PDE4D: variants seen among roughly 807,000 people sequenced by gnomAD.
PDE4D encodes the protein 3',5'-cyclic-AMP phosphodiesterase 4D.
PDE4D carries 24 observed loss-of-function variants against 87.4 expected under a neutral mutation model. The observed-to-expected ratio is 0.27, with a 90% CI of 0.20 to 0.39. The LOEUF is 0.39. PDE4D is among the 10% of genes least tolerant of loss of function. The probability of loss-of-function intolerance (pLI) is 1.00; values close to 1 mark genes in which losing one functional copy is unlikely to be tolerated. For missense variants in PDE4D, 714 were observed against 1,041.0 expected, an observed-to-expected ratio of 0.69 and a Z score of 4.32; for synonymous variants, 384 against 383.2, an observed-to-expected ratio of 1.00 and a Z score of -0.02.
At chr5:60,064,081 A>AT (rs1350385737) in intron 2 of PDE4D, among the ~76,000 whole-genome samples, 4 of 152,076 alleles carry the variant, frequency 2.6e-5, no homozygotes, top group East Asian at 1.9e-4. Context: ...ATTTTAAGTA[A>AT]TTTTTTCTCT....
rs748923956 is a variant in PDE4D at position 60,337,351 on chromosome 5, C to CTATATATATATA, written c.-90+150579_-90+150590dup. Reference sequence around the variant, plus strand: ...TTGTCTCAAAAAACAAACAAACAAACTATATATATATATATATATATATAT... The same window carrying CTATATATATATA: ...TTGTCTCAAAAAACAAACAAACAAACTATATATATATATATATATATATATATATATATATAT... On this transcript the variant is annotated intron_variant, in intron 1 of 16. Transcript: ENST00000502484. 2.3e-3 allele frequency among the ~76,000 whole-genome samples: 145 copies of CTATATATATATA among 62,220 alleles called. 1 individual carries two copies. Among genetic ancestry groups the CTATATATATATA allele is most frequent in the Non-Finnish European group, 3.5e-3 (104 of 29,952 alleles). The allele number at this position is 62,220 out of a possible 152,430, so 40.8% of individuals were successfully genotyped here.
intron 1 of PDE4D, among the ~76,000 whole-genome samples, chr5:59,343,195 A>G (rs1191394697): frequency 6.6e-6 from 1 of 152,070 alleles, no homozygotes; most frequent in Non-Finnish European, 1.5e-5. Flanking sequence ...ATAAGTGACC[A>G]CATATAATAT....
chr5:59,973,168 G>A (rs191988007), intron 3 of PDE4D, among the ~76,000 whole-genome samples: 19 of 152,184 alleles, frequency 1.2e-4, no homozygotes, highest in Admixed American at 3.9e-4. Context: ...CACAATAGAT[G>A]AATTTGTATG....
At position 60,114,584 on chromosome 5, in the gene PDE4D, A is replaced by G. The variant is rs775150521; in HGVS notation, c.42+70973T>C. On this transcript the variant is annotated intron_variant, in intron 2 of 16. Transcript: ENST00000502484. ...ACATAATTACTGAATCTGGTTCCCA[A>G]TGGTGGACAGGATATACTAAAGAAA... Among the ~76,000 whole-genome samples the G allele has an allele frequency of 3.9e-5, 6 of 152,174 alleles. No individual in the cohort carries two copies. The East Asian group carries it at 5.8e-4, about 15-fold the overall frequency.
intron 6 of PDE4D, among the ~76,000 whole-genome samples, chr5:59,018,941 C>CT (rs34235697): frequency 0.1 from 14,463 of 138,818 alleles, 921 homozygotes; most frequent in Non-Finnish European, 0.14. Flanking sequence ...CCTGCCCCCT[C>CT]TTTTTTTTTT....
rs544914446 is a variant in PDE4D, at chr5:59,821,187, C to G, written c.455+71981G>C. ...GGCGGAGATTGCAGTGAGCATTGATCGTGCCACTGCACTCCAGCCTCAGTG... is the reference window on the plus strand; with the variant it reads ...GGCGGAGATTGCAGTGAGCATTGATGGTGCCACTGCACTCCAGCCTCAGTG... On this transcript the variant is annotated intron_variant, in intron 1 of 14. Coordinates refer to ENST00000340635, the MANE Select transcript of PDE4D (RefSeq NM_001104631.2). Among the ~76,000 whole-genome samples the G allele has an allele frequency of 1.4e-3, 218 of 152,088 alleles. 1 individual carries two copies. Among genetic ancestry groups the G allele is most frequent in the African/African-American group, 4.8e-3 (201 of 41,484 alleles).
intron 2 of PDE4D, among the ~76,000 whole-genome samples, chr5:60,047,863 T>C (rs1368647795): frequency 6.6e-6 from 1 of 152,158 alleles, no homozygotes; most frequent in East Asian, 1.9e-4. Flanking sequence ...TGGAGAGTTC[T>C]GTAGATGTCT....
intron 1 of PDE4D, among the ~76,000 whole-genome samples, chr5:59,411,077 G>A (rs549638298): frequency 6.6e-6 from 1 of 152,154 alleles, no homozygotes; most frequent in South Asian, 2.1e-4. Context: ...AGCTGAGCAG[G>A]GTGAGAGGAG....
intron 1 of PDE4D, among the ~76,000 whole-genome samples, chr5:59,267,745 G>T (rs1197386968): frequency 3.3e-5 from 5 of 152,050 alleles, no homozygotes; most frequent in Non-Finnish European, 7.4e-5. Context: ...TAACTCTGTG[G>T]GTTTAAAACA....
intron 5 of PDE4D, among the ~76,000 whole-genome samples, chr5:59,160,272 G>A (rs1352277308): frequency 6.6e-6 from 1 of 152,014 alleles, no homozygotes; most frequent in East Asian, 1.9e-4. Flanking sequence ...ATTATCAGAA[G>A]CATTTTACAC....
At chr5:59,599,933 G>A (rs1827257524) in intron 1 of PDE4D, among the ~76,000 whole-genome samples, 1 of 152,210 alleles carries the variant, frequency 6.6e-6, no homozygotes, top group Admixed American at 6.5e-5. Context: ...ACATGTTGGA[G>A]ACCTGGCAGA....
chr5:59,832,179 T>C (rs544503632), intron 1 of PDE4D, among the ~76,000 whole-genome samples: 2 of 152,114 alleles, frequency 1.3e-5, no homozygotes, highest in African/African-American at 2.4e-5. Flanking sequence ...AGGTCCGCTC[T>C]GGCCATTTGT....
intron 1 of PDE4D, among the ~76,000 whole-genome samples, chr5:60,501,561 C>T (rs1750079137): frequency 6.6e-6 from 1 of 151,426 alleles, no homozygotes; most frequent in South Asian, 2.1e-4. Context: ...TTCTAGATCC[C>T]TGAGGAATCG....
intron 1 of PDE4D, among the ~76,000 whole-genome samples, chr5:59,256,252 T>C (rs1265654672): frequency 6.6e-6 from 1 of 152,100 alleles, no homozygotes; most frequent in African/African-American, 2.4e-5. Flanking sequence ...TCTCTGTAGT[T>C]AGAGCATTAA....
At chr5:59,596,810 G>C (rs1292196927) in intron 1 of PDE4D, among the ~76,000 whole-genome samples, 1 of 151,918 alleles carries the variant, frequency 6.6e-6, no homozygotes, top group Non-Finnish European at 1.5e-5. Context: ...TTGCTCTTTG[G>C]AATGTGAAAT....
At chr5:59,832,567 T>A (rs1741410929) in intron 1 of PDE4D, among the ~76,000 whole-genome samples, 2 of 152,052 alleles carry the variant, frequency 1.3e-5, no homozygotes, top group African/African-American at 4.8e-5. Context: ...AGACAATATA[T>A]GTAGGATATA....
At chr5:59,072,001 T>G (rs932126607) in intron 5 of PDE4D, among the ~76,000 whole-genome samples, 1 of 152,130 alleles carries the variant, frequency 6.6e-6, no homozygotes, top group African/African-American at 2.4e-5. Context: ...CATCTGTACT[T>G]TGAAGTTGGT....
intron 3 of PDE4D, among the ~76,000 whole-genome samples, chr5:59,187,610 TC>T (rs1743214532): frequency 6.6e-6 from 1 of 152,230 alleles, no homozygotes; most frequent in African/African-American, 2.4e-5. Context: ...GAATCTGTCT[TC>T]CGGTCTCTCC....
At chr5:60,152,601 C>A (rs1023685288) in intron 2 of PDE4D, among the ~76,000 whole-genome samples, 1 of 149,136 alleles carries the variant, frequency 6.7e-6, no homozygotes, top group African/African-American at 2.5e-5. Flanking sequence ...TGCAGTGAGC[C>A]GAGATTGCAC....
Sources: allele counts gnomAD v4.1 joint callset (sites outside exome capture counted in the v4.1 genomes callset), GRCh38; gene constraint gnomAD v4.1.1; transcripts MANE v1.5; gene names NCBI Gene and HGNC (gene_info 2026-07-23, HGNC 2026-07-21).